PPARGC1A: variants seen among roughly 807,000 people sequenced by gnomAD.
PPARGC1A encodes the protein peroxisome proliferator-activated receptor gamma coactivator 1-alpha.
Under a neutral mutation model 88.7 loss-of-function variants are expected in PPARGC1A, and 25 were observed. The observed-to-expected ratio is 0.28, with a 90% CI of 0.21 to 0.39. The LOEUF is 0.39. PPARGC1A is among the 10% of genes least tolerant of loss of function. The pLI, the probability that PPARGC1A is intolerant of heterozygous loss-of-function variation, is 1.00. For missense variants in PPARGC1A, 880 were observed against 968.7 expected, an observed-to-expected ratio of 0.91 and a Z score of 1.22; for synonymous variants, 363 against 355.6, an observed-to-expected ratio of 1.02 and a Z score of -0.24.
chr4:23,990,603 G>A, the PPARGC1A span, among the ~76,000 whole-genome samples: 44 of 152,198 alleles, frequency 2.9e-4, no homozygotes, highest in Admixed American at 8.5e-4. Context: ...CAGCTGAGAA[G>A]CATTCAACAT....
the PPARGC1A span, among the ~76,000 whole-genome samples, chr4:24,262,213 G>A: frequency 6.6e-6 from 1 of 152,188 alleles, no homozygotes; most frequent in African/African-American, 2.4e-5. Context: ...AGGGCTGGGT[G>A]TGCTTCAATC....
the PPARGC1A span, among the ~76,000 whole-genome samples, chr4:24,055,227 A>G: frequency 1.3e-5 from 2 of 152,220 alleles, no homozygotes; most frequent in Admixed American, 6.5e-5. Context: ...TCTGATTGTG[A>G]AACCACAGTT....
chr4:24,019,466 T>G, the PPARGC1A span, among the ~76,000 whole-genome samples: 34 of 152,270 alleles, frequency 2.2e-4, no homozygotes, highest in Admixed American at 5.9e-4. Context: ...GAATTCCAAA[T>G]TCATTCACAC....
the PPARGC1A span, among the ~76,000 whole-genome samples, chr4:23,938,492 TAGAG>T: frequency 6.6e-6 from 1 of 152,046 alleles, no homozygotes; most frequent in African/African-American, 2.4e-5. Context: ...GAGCATGCAG[TAGAG>T]AGAGAAAAAC....
At chr4:23,966,507 C>T in the PPARGC1A span, among the ~76,000 whole-genome samples, 1 of 152,190 alleles carries the variant, frequency 6.6e-6, no homozygotes, top group Admixed American at 6.5e-5. Context: ...TTTCAAATAT[C>T]TTGTCCCACA....
At chr4:24,042,778 G>A in the PPARGC1A span, among the ~76,000 whole-genome samples, 9 of 152,214 alleles carry the variant, frequency 5.9e-5, no homozygotes, top group East Asian at 3.9e-4. Flanking sequence ...TGCCCTATGG[G>A]TATATAAATT....
the PPARGC1A span, among the ~76,000 whole-genome samples, chr4:24,418,253 C>A: frequency 2.0e-5 from 3 of 152,076 alleles, no homozygotes; most frequent in African/African-American, 7.2e-5. Flanking sequence ...GTTGAGTGAG[C>A]TGAAATAAAG....
the PPARGC1A span, among the ~76,000 whole-genome samples, chr4:23,913,583 T>C: frequency 6.6e-6 from 1 of 152,028 alleles, no homozygotes; most frequent in African/African-American, 2.4e-5. Flanking sequence ...GAAGAGGAAA[T>C]GTGAATAAAA....
the PPARGC1A span, among the ~76,000 whole-genome samples, chr4:23,934,414 G>A: frequency 1.3e-5 from 2 of 152,164 alleles, no homozygotes; most frequent in African/African-American, 4.8e-5. Context: ...TAGACAGCAT[G>A]GCATCCAACC....
Position 23,881,464 on chromosome 4 carries a change from CATT to C in PPARGC1A, c.234+3285_234+3287del, listed in dbSNP as rs1274157149. On this transcript the variant is annotated intron_variant, in intron 2 of 12. Transcript: ENST00000264867. ...TGTGACATTCAGCTTCATTTTTTAT[CATT>C]ATTAAGTTTGTGATGTTAAATAAAA... Among the ~76,000 whole-genome samples the C allele has an allele frequency of 3.9e-5, 6 of 152,208 alleles. 1 individual carries two copies. In the East Asian group the frequency reaches 9.6e-4, roughly 24 times the overall value.
At chr4:23,810,708 A>C (rs1043196769) in intron 10 of PPARGC1A, among the ~76,000 whole-genome samples, 11 of 152,174 alleles carry the variant, frequency 7.2e-5, no homozygotes, top group Non-Finnish European at 1.3e-4. Context: ...GAAACTATTA[A>C]TCTTTCTCTT....
At chr4:24,296,615 T>C in the PPARGC1A span, among the ~76,000 whole-genome samples, 56 of 152,274 alleles carry the variant, frequency 3.7e-4, no homozygotes, top group African/African-American at 1.3e-3. Flanking sequence ...ATTTTACAAC[T>C]TCGGTATCCC....
chr4:24,005,616 C>T, the PPARGC1A span, among the ~76,000 whole-genome samples: 1 of 152,156 alleles, frequency 6.6e-6, no homozygotes. Flanking sequence ...TTTCTAGACA[C>T]AACTGGAGGT....
At chr4:24,466,886 C>CAAAAAA in the PPARGC1A span, among the ~76,000 whole-genome samples, 5 of 68,286 alleles carry the variant, frequency 7.3e-5, 1 homozygote, top group East Asian at 1.4e-3. Flanking sequence ...TGCACACCAG[C>CAAAAAA]AAAAAAAAAA....
chr4:24,423,323 C>A, the PPARGC1A span, among the ~76,000 whole-genome samples: 12 of 152,204 alleles, frequency 7.9e-5, no homozygotes, highest in African/African-American at 2.9e-4. Flanking sequence ...CAGTGCCTAA[C>A]ACGTGATAGG....
the PPARGC1A span, among the ~76,000 whole-genome samples, chr4:23,996,418 C>T: frequency 6.6e-6 from 1 of 152,214 alleles, no homozygotes; most frequent in African/African-American, 2.4e-5. Flanking sequence ...AATGACTTCC[C>T]AGTCAGAACT....
At chr4:24,354,893 A>AC in the PPARGC1A span, among the ~76,000 whole-genome samples, 89 of 151,614 alleles carry the variant, frequency 5.9e-4, no homozygotes, top group Middle Eastern at 6.8e-3. Context: ...AAAAAAAACA[A>AC]AAACAAACAA....
chr4:24,111,542 C>T, the PPARGC1A span, among the ~76,000 whole-genome samples: 1 of 152,158 alleles, frequency 6.6e-6, no homozygotes, highest in Non-Finnish European at 1.5e-5. Flanking sequence ...TTAGACAAAA[C>T]ATGGTTTCAC....
At chr4:24,207,865 T>C in the PPARGC1A span, among the ~76,000 whole-genome samples, 1 of 152,230 alleles carries the variant, frequency 6.6e-6, no homozygotes, top group South Asian at 2.1e-4. Flanking sequence ...GAAAATACCA[T>C]GACAACAGTC....
Sources: allele counts gnomAD v4.1 joint callset (sites outside exome capture counted in the v4.1 genomes callset), GRCh38; gene constraint gnomAD v4.1.1; transcripts MANE v1.5; gene names NCBI Gene and HGNC (gene_info 2026-07-23, HGNC 2026-07-21).